The following PTPRG variants were observed in gnomAD, a reference collection of about 807,000 sequenced individuals.
PTPRG encodes the protein protein tyrosine phosphatase receptor type G, also known as receptor-type tyrosine-protein phosphatase gamma.
Under a neutral mutation model 165.3 loss-of-function variants are expected in PTPRG, and 102 were observed. That is an observed-to-expected ratio of 0.62 (90% CI 0.53 to 0.73). PTPRG has a LOEUF of 0.73. Among genes scored for constraint, PTPRG ranks in the 30% least tolerant of loss-of-function variants. The probability of loss-of-function intolerance (pLI) is 0.00; values close to 1 mark genes in which losing one functional copy is unlikely to be tolerated. For missense variants in PTPRG, 1,866 were observed against 1,861.4 expected, an observed-to-expected ratio of 1.00 and a Z score of -0.05; for synonymous variants, 675 against 669.5, an observed-to-expected ratio of 1.01 and a Z score of -0.13.
intron 1 of PTPRG, among the ~76,000 whole-genome samples, chr3:61,652,046 A>G (rs1473052607): frequency 6.6e-6 from 1 of 151,762 alleles, no homozygotes; most frequent in African/African-American, 2.4e-5. Context: ...GCAGTAGCTT[A>G]TGCCTGTAAT....
intron 4 of PTPRG, among the ~76,000 whole-genome samples, chr3:62,032,292 C>T (rs1699794640): frequency 6.6e-6 from 1 of 152,196 alleles, no homozygotes; most frequent in South Asian, 2.1e-4. Flanking sequence ...CATGTGGGGA[C>T]AGGGACTGAA....
chr3:61,680,664 A>G (rs1703405981), intron 1 of PTPRG, among the ~76,000 whole-genome samples: 1 of 151,844 alleles, frequency 6.6e-6, no homozygotes, highest in Non-Finnish European at 1.5e-5. Flanking sequence ...AGGGCATGGA[A>G]AAACCAGCCT....
intron 1 of PTPRG, among the ~76,000 whole-genome samples, chr3:61,648,125 C>G (rs1186958734): frequency 6.6e-6 from 1 of 151,714 alleles, no homozygotes; most frequent in South Asian, 2.1e-4. Context: ...CTGAGAATAT[C>G]CTGACAGTGG....
At chr3:61,926,742 G>C (rs536807088) in intron 2 of PTPRG, among the ~76,000 whole-genome samples, 1 of 151,928 alleles carries the variant, frequency 6.6e-6, no homozygotes, top group South Asian at 2.1e-4. Context: ...CCAGTTTGTA[G>C]TGATATCTCA....
chr3:61,594,172 C>T (rs990535370), intron 1 of PTPRG, among the ~76,000 whole-genome samples: 3 of 152,100 alleles, frequency 2.0e-5, no homozygotes, highest in Admixed American at 6.5e-5. Flanking sequence ...TATTTGGAAG[C>T]CTGTCCTCTG....
intron 1 of PTPRG, among the ~76,000 whole-genome samples, chr3:61,604,359 C>A (rs1191630334): frequency 6.6e-6 from 1 of 152,028 alleles, no homozygotes; most frequent in Non-Finnish European, 1.5e-5. Flanking sequence ...TTTAACATAT[C>A]TTGTTCTTTG....
chr3:62,291,442 A>T (rs1702895370), intron 28 of PTPRG, among the ~76,000 whole-genome samples: 1 of 152,082 alleles, frequency 6.6e-6, no homozygotes, highest in Non-Finnish European at 1.5e-5. Context: ...TAATGAGTTG[A>T]ACTGAAATGT....
At chr3:61,752,064 T>G (rs1268892726) in intron 2 of PTPRG, among the ~76,000 whole-genome samples, 2 of 152,172 alleles carry the variant, frequency 1.3e-5, no homozygotes, top group Non-Finnish European at 2.9e-5. Context: ...TTCTTGCTTA[T>G]TTTTGAGACT....
rs1438174394 is a variant in PTPRG, at chr3:61,783,032, CT to C, written c.190+34052del. Among the ~76,000 whole-genome samples, 10 of 152,282 alleles carry C rather than the reference CT, an allele frequency of 6.6e-5. No individual in the cohort carries two copies. The East Asian group carries it at 1.9e-3, about 29-fold the overall frequency. On this transcript the variant is annotated intron_variant, in intron 2 of 29. Transcript: ENST00000474889. The stretch of plus-strand genomic sequence containing the variant: ...TGTTGTCCAGGCTGGTCTAAAACTC[CT>C]TGCCTCAAGCAATCCTCCTGCCTCA...
chr3:61,760,910 T>C (rs2033813617), intron 2 of PTPRG, among the ~76,000 whole-genome samples: 1 of 152,172 alleles, frequency 6.6e-6, no homozygotes, highest in African/African-American at 2.4e-5. Flanking sequence ...TTCACATCCC[T>C]GCAAAGGATG....
chr3:61,585,974 A>G (rs1470430785), intron 1 of PTPRG, among the ~76,000 whole-genome samples: 1 of 152,224 alleles, frequency 6.6e-6, no homozygotes, highest in African/African-American at 2.4e-5. Context: ...TGGTAATCAC[A>G]GTGGAATATG....
intron 1 of PTPRG, among the ~76,000 whole-genome samples, chr3:61,673,887 C>T (rs1488562374): frequency 1.3e-5 from 2 of 152,074 alleles, no homozygotes; most frequent in Non-Finnish European, 2.9e-5. Flanking sequence ...ATGTCCTTTT[C>T]AGGAACATGG....
intron 2 of PTPRG, among the ~76,000 whole-genome samples, chr3:61,788,485 T>C (rs1335396805): frequency 2.6e-5 from 4 of 152,250 alleles, no homozygotes; most frequent in Non-Finnish European, 4.4e-5. Context: ...ATGTGAGTGA[T>C]TTCTCACAAT....
At chr3:61,634,416 T>A (rs1458080726) in intron 1 of PTPRG, among the ~76,000 whole-genome samples, 1 of 152,114 alleles carries the variant, frequency 6.6e-6, no homozygotes, top group Non-Finnish European at 1.5e-5. Flanking sequence ...TTTTTTGTAT[T>A]TTTAGTAGAG....
chr3:61,738,338 G>GTATATATATATGTGTATATATATATGTA (rs2032839784), intron 1 of PTPRG, among the ~76,000 whole-genome samples: 1 of 123,682 alleles, frequency 8.1e-6, no homozygotes, highest in Non-Finnish European at 1.6e-5. Flanking sequence ...ATATATATAT[G>GTATATATATATGTGTATATATATATGTA]TATATATATA....
intron 1 of PTPRG, among the ~76,000 whole-genome samples, chr3:61,704,398 C>G (rs182951855): frequency 6.6e-6 from 1 of 152,204 alleles, no homozygotes; most frequent in East Asian, 1.9e-4. Context: ...AAATGGGGAG[C>G]ATAGGATTAC....
At chr3:61,695,362 G>A (rs555310251) in intron 1 of PTPRG, among the ~76,000 whole-genome samples, 1 of 152,288 alleles carries the variant, frequency 6.6e-6, no homozygotes, top group East Asian at 1.9e-4. Flanking sequence ...TTGGAAATAG[G>A]AGTTCCTGCA....
At chr3:61,778,888 C>T (rs1364974264) in intron 2 of PTPRG, among the ~76,000 whole-genome samples, 1 of 151,988 alleles carries the variant, frequency 6.6e-6, no homozygotes, top group African/African-American at 2.4e-5. Flanking sequence ...CATCTGAGTG[C>T]AGACCCTGGA....
intron 2 of PTPRG, among the ~76,000 whole-genome samples, chr3:61,935,067 C>T (rs1177026158): frequency 1.1e-4 from 17 of 152,254 alleles, no homozygotes; most frequent in Non-Finnish European, 1.0e-4. Flanking sequence ...TCCTCTCCTT[C>T]CCACACATGT....
Sources: gnomAD v4.1 joint callset for allele counts (sites outside exome capture counted in the v4.1 genomes callset) on GRCh38, gnomAD v4.1.1 for gene constraint, MANE v1.5 for transcripts, NCBI Gene and HGNC (gene_info 2026-07-23, HGNC 2026-07-21) for gene names.